PARN: variants seen among roughly 807,000 people sequenced by gnomAD.
PARN encodes poly(A)-specific ribonuclease, also known as poly(A)-specific ribonuclease PARN.
A neutral mutation model predicts 102.8 loss-of-function variants in PARN; 71 were observed. The ratio of observed to expected loss-of-function variants is 0.69; its 90% CI spans 0.57 to 0.84. The LOEUF (loss-of-function observed/expected upper bound fraction) is 0.84. Among genes scored for constraint, PARN ranks in the 40% least tolerant of loss-of-function variants. PARN has a pLI of 0.00. For missense variants in PARN, 782 were observed against 760.9 expected, an observed-to-expected ratio of 1.03 and a Z score of -0.33; for synonymous variants, 261 against 252.9, an observed-to-expected ratio of 1.03 and a Z score of -0.30.
intron 21 of PARN, among the ~76,000 whole-genome samples, chr16:14,531,309 G>C (rs117886093): frequency 0.048 from 7,330 of 151,682 alleles, 295 homozygotes; most frequent in Admixed American, 0.11. Context: ...TTGCAGTGAG[G>C]TGAGATCACA....
chr16:14,623,540 A>T (rs1972452472), intron 5 of PARN, among the ~76,000 whole-genome samples: 1 of 151,680 alleles, frequency 6.6e-6, no homozygotes, highest in Non-Finnish European at 1.5e-5. Flanking sequence ...AAAGAAAAAA[A>T]AAAGAAACAC....
intron 21 of PARN, among the ~76,000 whole-genome samples, chr16:14,537,239 T>C (rs1966646356): frequency 6.6e-6 from 1 of 152,146 alleles, no homozygotes; most frequent in Non-Finnish European, 1.5e-5. Context: ...AACAGTAAGA[T>C]ACCATCTCAA....
intron 13 of PARN, among the ~76,000 whole-genome samples, chr16:14,591,340 G>A (rs552627645): frequency 6.6e-6 from 1 of 151,030 alleles, no homozygotes; most frequent in East Asian, 2.0e-4. Context: ...GCAGTGAGCC[G>A]AGATTGCACC....
Position 14,604,196 on chromosome 16 carries a change from C to T in PARN, c.733G>A (p.Asp245Asn), listed in dbSNP as rs1375796074. The part of the protein sequence containing the change: ...KERYIVISKV[D>N]EEERKRREQQ... ...TCTCTTCTTTTGCGTTCTTCTTCAT[C>T]TACTTTGCTGATAACTATATATCGC... The change falls in exon 11 of 24, where the codon GAT becomes AAT. Residue 245 changes from aspartate (D) to asparagine (N), a missense_variant. Physicochemically the swap from Asp to Asn is conservative, Grantham distance 23 (BLOSUM62 1). Transcript: ENST00000437198. 14 of 1,598,710 alleles carry T rather than the reference C, an allele frequency of 8.8e-6. No individual in the cohort carries two copies. The highest frequency in any genetic ancestry group is 1.2e-5 in the Non-Finnish European group (14 of 1,170,492).
chr16:14,461,356 G>C (rs1209217939), intron 22 of PARN, among the ~76,000 whole-genome samples: 1 of 152,216 alleles, frequency 6.6e-6, no homozygotes, highest in Admixed American at 6.5e-5. Flanking sequence ...AACTTATTCA[G>C]GGTAGTTTAA....
intron 14 of PARN, among the ~76,000 whole-genome samples, chr16:14,585,730 A>G (rs1969813380): frequency 6.6e-6 from 1 of 152,214 alleles, no homozygotes; most frequent in Admixed American, 6.5e-5. Flanking sequence ...AAGACAGACA[A>G]GAGCCATCTC....
At chr16:14,610,092 C>T (rs1314684673) in intron 7 of PARN, among the ~76,000 whole-genome samples, 2 of 152,154 alleles carry the variant, frequency 1.3e-5, no homozygotes, top group African/African-American at 2.4e-5. Context: ...GGTCTGACCA[C>T]GTACTGAAAT....
chr16:14,511,614 T>A (rs1965193172), intron 21 of PARN, among the ~76,000 whole-genome samples: 1 of 152,164 alleles, frequency 6.6e-6, no homozygotes, highest in African/African-American at 2.4e-5. Context: ...CTCTGCCTCC[T>A]AAATTATTGG....
chr16:14,461,647 A>G (rs1961985623), intron 22 of PARN, among the ~76,000 whole-genome samples: 1 of 152,248 alleles, frequency 6.6e-6, no homozygotes, highest in Non-Finnish European at 1.5e-5. Flanking sequence ...GCAGATTTAC[A>G]GTAACTCAAA....
intron 21 of PARN, among the ~76,000 whole-genome samples, chr16:14,543,347 TACCAAAAAAGAA>T (rs1410794502): frequency 6.6e-6 from 1 of 152,154 alleles, no homozygotes; most frequent in Non-Finnish European, 1.5e-5. Flanking sequence ...AGGAAAAGGA[TACCAAAAAAGAA>T]ACCTGGATCT....
chr16:14,573,936 G>A (rs1403588411), intron 18 of PARN, among the ~76,000 whole-genome samples: 6 of 152,220 alleles, frequency 3.9e-5, no homozygotes, highest in Non-Finnish European at 5.9e-5. Context: ...GACTAATACA[G>A]TAAATTGGTA....
intron 10 of PARN, among the ~76,000 whole-genome samples, chr16:14,606,115 T>C (rs1442023979): frequency 6.6e-6 from 1 of 152,074 alleles, no homozygotes; most frequent in African/African-American, 2.4e-5. Context: ...TTCAGCACAC[T>C]AAGGATTGAG....
chr16:14,610,325 T>C (rs1184638102), intron 7 of PARN, among the ~76,000 whole-genome samples: 1 of 151,670 alleles, frequency 6.6e-6, no homozygotes, highest in African/African-American at 2.4e-5. Context: ...ATATAAAAAT[T>C]AGGCGGGTGT....
At chr16:14,437,722 G>C (rs1187581332) in intron 23 of PARN, among the ~76,000 whole-genome samples, 2 of 152,190 alleles carry the variant, frequency 1.3e-5, no homozygotes, top group Non-Finnish European at 2.9e-5. Context: ...CTCTCTTCTA[G>C]CTGCTAACAC....
intron 13 of PARN, among the ~76,000 whole-genome samples, chr16:14,592,271 A>G (rs1970245583): frequency 6.6e-6 from 1 of 152,200 alleles, no homozygotes; most frequent in African/African-American, 2.4e-5. Context: ...ATTCAAAACA[A>G]CACTTAGTCT....
intron 22 of PARN, among the ~76,000 whole-genome samples, chr16:14,449,174 G>A (rs1342353408): frequency 3.3e-5 from 5 of 152,158 alleles, no homozygotes; most frequent in Middle Eastern, 3.4e-3. Context: ...CTAGAACCAC[G>A]GGCATTAAAA....
At chr16:14,474,301 A>G (rs1327067004) in intron 22 of PARN, among the ~76,000 whole-genome samples, 2 of 152,208 alleles carry the variant, frequency 1.3e-5, no homozygotes, top group Non-Finnish European at 2.9e-5. Context: ...CACTGTGCTC[A>G]GCCAATGATC....
At chr16:14,598,625 G>C (rs1970672771) in intron 12 of PARN, among the ~76,000 whole-genome samples, 1 of 152,156 alleles carries the variant, frequency 6.6e-6, no homozygotes, top group Non-Finnish European at 1.5e-5. Context: ...TCACAGCATT[G>C]TTTCTCTCCG....
intron 22 of PARN, among the ~76,000 whole-genome samples, chr16:14,468,760 G>C (rs557830979): frequency 1.3e-5 from 2 of 152,064 alleles, no homozygotes; most frequent in Non-Finnish European, 2.9e-5. Context: ...GAACTATACA[G>C]TACAGGCACA....
Sources: gnomAD v4.1 joint callset for allele counts (sites outside exome capture counted in the v4.1 genomes callset) on GRCh38, gnomAD v4.1.1 for gene constraint, MANE v1.5 for transcripts, NCBI Gene and HGNC (gene_info 2026-07-23, HGNC 2026-07-21) for gene names.